The following COL20A1 variants were observed in gnomAD, a reference collection of about 807,000 sequenced individuals.
COL20A1 encodes collagen type XX alpha 1 chain.
In COL20A1, 164 loss-of-function variants were observed where a neutral mutation model predicts 152.9. That is an observed-to-expected ratio of 1.07 (90% CI 0.94 to 1.22). COL20A1 has a LOEUF of 1.22. Ranked by LOEUF, COL20A1 falls within the 50% of genes most tolerant of loss-of-function variation. COL20A1 has a pLI of 0.00. For missense variants in COL20A1, 1,873 were observed against 1,744.8 expected, an observed-to-expected ratio of 1.07 and a Z score of -1.31; for synonymous variants, 864 against 756.0, an observed-to-expected ratio of 1.14 and a Z score of -2.34.
intron 2 of COL20A1, among the ~76,000 whole-genome samples, chr20:63,297,095 G>A (rs2067803927): frequency 6.6e-6 from 1 of 152,202 alleles, no homozygotes. Context: ...ATGTACCAAC[G>A]TGCACACACG....
rs965492443 is a variant in COL20A1 at position 63,332,802 on chromosome 20, G to A, written c.*2086G>A. The A allele has an allele frequency of 6.6e-6, 1 of 152,268 alleles. No homozygotes were observed. Among genetic ancestry groups the A allele is most frequent in the Non-Finnish European group, 1.5e-5 (1 of 68,088 alleles). The allele number at this position is 152,268 out of a possible 1,614,324, so 9.4% of individuals were successfully genotyped here. On this transcript the variant is annotated 3_prime_UTR_variant, in exon 36 of 36. Transcript: ENST00000358894. The stretch of plus-strand genomic sequence containing the variant: ...GCACAGCAAAGGCAGCGGCCAGCTG[G>A]TGCCCAGGCAGCTTAGGGACTGGTC...
At chr20:63,302,188 A>G (rs554074311) in intron 3 of COL20A1, among the ~76,000 whole-genome samples, 7 of 152,328 alleles carry the variant, frequency 4.6e-5, no homozygotes, top group African/African-American at 1.4e-4. Context: ...CTGTCTATAA[A>G]TATTTCAATA....
chr20:63,314,635 G>A (rs376526758), intron 19 of COL20A1, among the ~76,000 whole-genome samples: 5 of 152,242 alleles, frequency 3.3e-5, no homozygotes, highest in Non-Finnish European at 5.9e-5. Context: ...CTTCCCCGGC[G>A]AGGCAGCCTT....
At position 63,319,809 on chromosome 20, in the gene COL20A1, A is replaced by T. The variant is rs968021225; in HGVS notation, c.2916+213A>T. ...CAGCCCATCTCTTTGGGACCCACAG[A>T]CCCCGGGAGGCTCCTGCAGCAGGTG... On this transcript the variant is annotated intron_variant, in intron 23 of 35. Coordinates refer to ENST00000358894, the MANE Select transcript of COL20A1 (RefSeq NM_020882.4). This position sits in a 1 kb window ranked among gnomAD's most constrained non-coding sequence, Gnocchi z 4.4. 6.6e-6 allele frequency among the ~76,000 whole-genome samples: 1 copy of T among 151,424 alleles called. No individual in the cohort carries two copies. The highest frequency in any genetic ancestry group is 2.4e-5 in the African/African-American group (1 of 41,152).
rs1399782444 is a variant in COL20A1, at chr20:63,308,086, C to T, written c.771C>T (p.Phe257=). ...RRLRYKGGNT[F]TGLALTHVLG... Reference sequence around the variant, plus strand: ...TCCGCTACAAGGGGGGGAACACGTTCACAGGTACGGCCCAGGCCTGCCCCT... The same window carrying T: ...TCCGCTACAAGGGGGGGAACACGTTTACAGGTACGGCCCAGGCCTGCCCCT... Residue 257 remains phenylalanine, a synonymous_variant, in exon 7 of 36, where the codon TTC becomes TTT. Transcript: ENST00000358894. 2.5e-6 allele frequency: 4 copies of T among 1,612,522 alleles called. No individual in the cohort carries two copies. Among genetic ancestry groups the T allele is most frequent in the South Asian group, 1.1e-5 (1 of 91,072 alleles).
chr20:63,301,969 C>T (rs147758868), intron 3 of COL20A1, among the ~76,000 whole-genome samples: 22 of 152,108 alleles, frequency 1.4e-4, no homozygotes, highest in East Asian at 9.7e-4. Flanking sequence ...TTTTATTCTC[C>T]GCTTTCTTGT....
At chr20:63,301,819 A>G (rs2067866094) in intron 3 of COL20A1, among the ~76,000 whole-genome samples, 1 of 152,142 alleles carries the variant, frequency 6.6e-6, no homozygotes, top group African/African-American at 2.4e-5. Context: ...TAAGCAGCAT[A>G]TAATTGGGTA....
chr20:63,298,734 A>G (rs894679628), intron 3 of COL20A1, among the ~76,000 whole-genome samples: 1 of 152,178 alleles, frequency 6.6e-6, no homozygotes, highest in South Asian at 2.1e-4. Flanking sequence ...GGCCTTGAGG[A>G]CACCTTTTCA....
At chr20:63,326,003 AG>A in intron 29 of COL20A1, 92 bp from the exon 30 acceptor site, 1 of 1,140,168 alleles carries the variant, frequency 8.8e-7, no homozygotes, top group South Asian at 1.2e-5. Flanking sequence ...CTTGGGTTAC[AG>A]GGTGTGTTGG....
rs1037846784 is a variant in COL20A1, at chr20:63,328,346, T to C, written c.3629T>C (p.Phe1210Ser). 1.2e-6 allele frequency: 2 copies of C among 1,612,056 alleles called. No homozygotes were observed. The highest frequency in any genetic ancestry group is 1.6e-4 in the Middle Eastern group (1 of 6,078). Residue 1210 changes from phenylalanine (F) to serine (S), a missense_variant, in exon 34 of 36, where the codon TTC becomes TCC. Phe to Ser is a radical substitution (Grantham distance 155, BLOSUM62 -2). Coordinates refer to ENST00000358894, the MANE Select transcript of COL20A1 (RefSeq NM_020882.4). Reference sequence around the variant, plus strand: ...CTCCCCACAGCACACGTGTCAAAGTTCGACTCCTTCCACGAGAACACCAGG... The same window carrying C: ...CTCCCCACAGCACACGTGTCAAAGTCCGACTCCTTCCACGAGAACACCAGG... ...LVSQASHVSK[F>S]DSFHENTRPP...
At position 63,313,617 on chromosome 20, in the gene COL20A1, G is replaced by C. The variant is rs1297186493; in HGVS notation, c.2210-126G>C. The C allele has an allele frequency of 5.5e-6, 5 of 910,908 alleles. No homozygotes were observed. The East Asian group carries it at 1.1e-4, about 20-fold the overall frequency. 56.4% of individuals were successfully genotyped at this position (910,908 alleles called of 1,614,324 possible). A position where few individuals can be genotyped will look rare whatever the true frequency, so the allele number is the denominator to read the frequency against. Reference sequence around the variant, plus strand: ...GGGGGGTGATGCGGGCTGTGGTAGGGGTGTGGCATGATGTGGTGGAGGCAT... The same window carrying C: ...GGGGGGTGATGCGGGCTGTGGTAGGCGTGTGGCATGATGTGGTGGAGGCAT... On this transcript the variant is annotated intron_variant, in intron 17 of 35. Coordinates refer to ENST00000358894, the MANE Select transcript of COL20A1 (RefSeq NM_020882.4). The surrounding 1 kb of genome is among the most constrained non-coding windows in gnomAD (Gnocchi z 5.9).
Position 63,308,582 on chromosome 20 carries a change from G to C in COL20A1, c.816G>C (p.Pro272=), listed in dbSNP as rs375403697. 3.2e-5 allele frequency: 52 copies of C among 1,605,182 alleles called. No individual in the cohort carries two copies. Among genetic ancestry groups the C allele is most frequent in the Non-Finnish European group, 4.3e-5 (51 of 1,176,608 alleles). Residue 272 remains proline (P), a synonymous_variant, in exon 8 of 36, where the codon CCG becomes CCC. Transcript: ENST00000358894. The part of the protein sequence containing the change: ...LTHVLGQNLQ[P]AAGLRPEAAK... ...ACGTGCTGGGGCAGAACCTGCAGCCGGCGGCTGGCCTCCGTCCAGAGGCAG... is the reference window on the plus strand; with the variant it reads ...ACGTGCTGGGGCAGAACCTGCAGCCCGCGGCTGGCCTCCGTCCAGAGGCAG...
chr20:63,316,487 C>T (rs1447658543), intron 20 of COL20A1, 66 bp from the exon 21 acceptor site: 2 of 1,445,152 alleles, frequency 1.4e-6, no homozygotes, highest in Non-Finnish European at 1.9e-6. Flanking sequence ...CCGCTCCTGC[C>T]CCTTCCTCCC....
intron 9 of COL20A1, 63 bp from the exon 10 acceptor site, chr20:63,309,695 G>T (rs2123397875): frequency 7.0e-7 from 1 of 1,421,314 alleles, no homozygotes; most frequent in Non-Finnish European, 9.4e-7. Context: ...GGCCACCAGG[G>T]GGAGCGTGGA....
At position 63,308,420 on chromosome 20, in the gene COL20A1, C is replaced by T. The variant is rs1007099045; in HGVS notation, c.776-122C>T. 3.1e-5 allele frequency: 31 copies of T among 1,003,616 alleles called. No individual in the cohort carries two copies. In the East Asian group the frequency reaches 3.2e-4, roughly 10 times the overall value. 62.2% of individuals were successfully genotyped at this position (1,003,616 alleles called of 1,614,324 possible). ...CCCTCCCTGCTCCCTTGGGCTGCTG[C>T]GGGGCCTCCTGATACCCCACAAGGG... On this transcript the variant is annotated intron_variant, in intron 7 of 35. Transcript: ENST00000358894.
rs768326951 is a variant in COL20A1 at position 63,297,904 on chromosome 20, C to G, written c.83-6C>G. On this transcript the variant is annotated splice_region_variant and splice_polypyrimidine_tract_variant and intron_variant, in intron 2 of 35. Coordinates refer to ENST00000358894, the MANE Select transcript of COL20A1 (RefSeq NM_020882.4). ...CAGTCCTGACCACTATGTCCTGTTT[C>G]TGTAGCAAGCGGTCTCCTGAGGCTG... 4 of 1,612,088 alleles carry G rather than the reference C, an allele frequency of 2.5e-6. No individual in the cohort carries two copies. Among genetic ancestry groups the G allele is most frequent in the East Asian group, 4.5e-5 (2 of 44,886 alleles).
At chr20:63,308,745 C>T (rs756384340) in intron 8 of COL20A1, 39 bp downstream of exon 8, 11 of 1,524,384 alleles carry the variant, frequency 7.2e-6, no homozygotes, top group African/African-American at 2.8e-5. Flanking sequence ...GGAGTCTCAC[C>T]GCCGGGTGGG....
In COL20A1 at chr20:63,313,860, C is replaced by T; in HGVS notation, c.2327C>T (p.Ala776Val). The T allele has an allele frequency of 1.2e-6, 2 of 1,609,036 alleles. No homozygotes were observed. The highest frequency in any genetic ancestry group is 1.7e-6 in the Non-Finnish European group (2 of 1,178,082). Residue 776 changes from alanine to valine, a missense_variant, in exon 18 of 36, where the codon GCC becomes GTC. Ala to Val is a moderately conservative substitution (Grantham distance 64, BLOSUM62 0). Transcript: ENST00000358894. This position sits in a 1 kb window ranked among gnomAD's most constrained non-coding sequence, Gnocchi z 5.9. Reference sequence around the variant, plus strand: ...GTGCTCCATTACTGGCTCACCTACGCCCCCGCCTCTGGCTTGGGACCCGAG... The same window carrying T: ...GTGCTCCATTACTGGCTCACCTACGTCCCCGCCTCTGGCTTGGGACCCGAG... The part of the protein sequence containing the change: ...GRVLHYWLTY[A>V]PASGLGPEKS...
At chr20:63,294,648 G>C (rs185755773) in intron 1 of COL20A1, among the ~76,000 whole-genome samples, 1 of 152,158 alleles carries the variant, frequency 6.6e-6, no homozygotes, top group African/African-American at 2.4e-5. Flanking sequence ...CCTCCAGGGC[G>C]AGGCTGGGGC....
Sources: gnomAD v4.1 joint callset for allele counts (sites outside exome capture counted in the v4.1 genomes callset) on GRCh38, gnomAD v4.1.1 for gene constraint, Gnocchi (gnomAD v3.1) non-coding constraint, MANE v1.5 for transcripts, NCBI Gene and HGNC (gene_info 2026-07-23, HGNC 2026-07-21) for gene names.